The following PCDHA9 variants were observed in gnomAD, a reference collection of about 807,000 sequenced individuals.
PCDHA9 encodes protocadherin alpha-9.
In PCDHA9, 62 loss-of-function variants were observed where a neutral mutation model predicts 62.0. The ratio of observed to expected loss-of-function variants is 1.00; its 90% confidence interval spans 0.81 to 1.23. The LOEUF is 1.23. Ranked by LOEUF, PCDHA9 falls within the 50% of genes most tolerant of loss-of-function variation. The pLI, the probability that PCDHA9 is intolerant of heterozygous loss-of-function variation, is 0.00. For missense variants in PCDHA9, 1,205 were observed against 1,249.8 expected (o/e 0.96, Z 0.54); for synonymous variants, 557 against 567.6 (o/e 0.98, Z 0.27).
intron 1 of PCDHA9, chr5:140,853,268 G>A: frequency 9.2e-6 from 9 of 975,960 alleles, no homozygotes; most frequent in Non-Finnish European, 1.1e-5. Context: ...CAGAGTACAA[G>A]CTCTCATCAT....
rs148906083 is a variant in PCDHA9, at chr5:140,906,715, A to C, written c.2394+55826A>C. ...CTGGGCCATTTGTAGTCCTGCCTGG[A>C]TTGTGCTGTTGTAGTTTCCCATTGA... On this transcript the variant is annotated intron_variant, in intron 1 of 3. Transcript: ENST00000532602. Among the ~76,000 whole-genome samples, 692 of 152,238 alleles carry C rather than the reference A, an allele frequency of 4.5e-3. 12 individuals carry two copies. The highest frequency in any genetic ancestry group is 0.027 in the Middle Eastern group (8 of 294).
At chr5:140,920,662 G>A (rs2079759376) in intron 1 of PCDHA9, among the ~76,000 whole-genome samples, 1 of 152,044 alleles carries the variant, frequency 6.6e-6, no homozygotes, top group Admixed American at 6.6e-5. Context: ...TTGCCAACAT[G>A]GTGAAACCCC....
chr5:140,851,796 T>C, intron 1 of PCDHA9: 3 of 954,006 alleles, frequency 3.1e-6, no homozygotes, highest in Non-Finnish European at 3.8e-6. Flanking sequence ...TCACTTGTTC[T>C]GTCAGTAATC....
At chr5:140,986,940 G>A (rs1371744170) in intron 3 of PCDHA9, among the ~76,000 whole-genome samples, 1 of 152,280 alleles carries the variant, frequency 6.6e-6, no homozygotes, top group South Asian at 2.1e-4. Flanking sequence ...GAGGCTGGGT[G>A]TGGTCGCTCA....
chr5:140,914,944 C>CTTT (rs35695909), intron 1 of PCDHA9, among the ~76,000 whole-genome samples: 2 of 128,266 alleles, frequency 1.6e-5, no homozygotes, highest in Non-Finnish European at 3.3e-5. Context: ...GAAAAGTTGT[C>CTTT]TTTTTTTTTT....
intron 1 of PCDHA9, among the ~76,000 whole-genome samples, chr5:140,913,921 C>T (rs782350245): frequency 1.4e-4 from 22 of 152,018 alleles, no homozygotes; most frequent in South Asian, 1.2e-3. Flanking sequence ...AATTTTACTT[C>T]ATTGTGGTCA....
At chr5:140,960,179 G>A (rs1379423809) in intron 1 of PCDHA9, among the ~76,000 whole-genome samples, 1 of 152,106 alleles carries the variant, frequency 6.6e-6, no homozygotes, top group Non-Finnish European at 1.5e-5. Flanking sequence ...TAAGTTAGGG[G>A]TTGCATGTGT....
intron 3 of PCDHA9, among the ~76,000 whole-genome samples, chr5:141,000,194 G>A (rs2097896080): frequency 6.6e-6 from 1 of 151,746 alleles, no homozygotes; most frequent in South Asian, 2.1e-4. Context: ...TGTGAGAATA[G>A]TTTTTCACCT....
At chr5:140,968,460 C>G (rs1554230749) in intron 1 of PCDHA9, 1 of 1,614,096 alleles carries the variant, frequency 6.2e-7, no homozygotes, top group Non-Finnish European at 8.5e-7. Flanking sequence ...ACTGTGACTG[C>G]CAACGTATAT....
chr5:140,851,812 G>A, intron 1 of PCDHA9: 1 of 953,880 alleles, frequency 1.0e-6, no homozygotes, highest in Non-Finnish European at 1.3e-6. Context: ...TAATCCATAA[G>A]ACAGAAATCT....
At chr5:140,966,737 G>A (rs1466161811) in intron 1 of PCDHA9, 4 of 1,420,882 alleles carry the variant, frequency 2.8e-6, no homozygotes, top group Non-Finnish European at 3.7e-6. Flanking sequence ...CTCCGGCCCT[G>A]CCCGGCTGCC....
At chr5:140,972,691 G>A (rs1213069719) in intron 1 of PCDHA9, among the ~76,000 whole-genome samples, 3 of 137,348 alleles carry the variant, frequency 2.2e-5, no homozygotes, top group Admixed American at 1.5e-4. Flanking sequence ...TTGAGATGGA[G>A]TCTCACTCTG....
chr5:140,987,293 T>C (rs2097246211), intron 3 of PCDHA9, among the ~76,000 whole-genome samples: 1 of 152,134 alleles, frequency 6.6e-6, no homozygotes, highest in African/African-American at 2.4e-5. Context: ...TAACAAGCCT[T>C]CTATGTGATA....
intron 3 of PCDHA9, among the ~76,000 whole-genome samples, chr5:140,992,707 C>T (rs1554253127): frequency 1.3e-5 from 2 of 152,056 alleles, no homozygotes; most frequent in Admixed American, 1.3e-4. Flanking sequence ...AATGTTCCTG[C>T]CAGTATTCGT....
chr5:140,851,284 A>G, intron 1 of PCDHA9: 1 of 1,040,350 alleles, frequency 9.6e-7, no homozygotes, highest in East Asian at 5.3e-5. Context: ...TTTATAAGAA[A>G]CCCAAGCAAA....
chr5:140,925,172 C>T (rs1176049315), intron 1 of PCDHA9, among the ~76,000 whole-genome samples: 2 of 151,994 alleles, frequency 1.3e-5, no homozygotes, highest in Admixed American at 6.6e-5. Context: ...TGTAATTGAC[C>T]CCAATGTACC....
At chr5:140,983,461 A>G (rs1291305158) in intron 3 of PCDHA9, among the ~76,000 whole-genome samples, 1 of 152,238 alleles carries the variant, frequency 6.6e-6, no homozygotes, top group Non-Finnish European at 1.5e-5. Flanking sequence ...TTAATAGAAC[A>G]TCATGATGAT....
At chr5:140,993,123 C>G (rs925185301) in intron 3 of PCDHA9, among the ~76,000 whole-genome samples, 1 of 152,180 alleles carries the variant, frequency 6.6e-6, no homozygotes, top group African/African-American at 2.4e-5. Context: ...ACATCAATTT[C>G]CTTCTGTTGC....
At chr5:140,984,453 T>C (rs2097104309) in intron 3 of PCDHA9, among the ~76,000 whole-genome samples, 1 of 152,254 alleles carries the variant, frequency 6.6e-6, no homozygotes, top group South Asian at 2.1e-4. Flanking sequence ...CCTTTCTTAC[T>C]GTCCCAGCCC....
Sources: allele counts gnomAD v4.1 joint callset (sites outside exome capture counted in the v4.1 genomes callset), GRCh38; gene constraint gnomAD v4.1.1; transcripts MANE v1.5; gene names NCBI Gene and HGNC (gene_info 2026-07-23, HGNC 2026-07-21).